DCC: variants seen among roughly 807,000 people sequenced by gnomAD.
The protein encoded by DCC is netrin receptor DCC.
In DCC, 58 loss-of-function variants were observed where a neutral mutation model predicts 172.5. The ratio of observed to expected loss-of-function variants is 0.34; its 90% CI spans 0.27 to 0.42. The LOEUF is 0.42. Ranked by LOEUF, DCC falls within the 10% of genes least tolerant of loss-of-function variation. The pLI, the probability that DCC is intolerant of heterozygous loss-of-function variation, is 1.00. For missense variants in DCC, 1,740 were observed against 1,791.0 expected, an observed-to-expected ratio of 0.97 and a Z score of 0.51; for synonymous variants, 709 against 644.5, an observed-to-expected ratio of 1.10 and a Z score of -1.52.
chr18:52,922,182 A>G (rs922371875), intron 3 of DCC, among the ~76,000 whole-genome samples: 1 of 152,156 alleles, frequency 6.6e-6, no homozygotes. Flanking sequence ...TTCATTGTGA[A>G]GAGTATTTAT....
rs148720210 is a variant in DCC at position 53,124,555 on chromosome 18, T to C, written c.1262-32801T>C. Reference sequence around the variant, plus strand: ...CCACTTGACATTACTTAGTTGTGGGTTATTTAAGATAATCAGTTATTTGTT... The same window carrying C: ...CCACTTGACATTACTTAGTTGTGGGCTATTTAAGATAATCAGTTATTTGTT... On this transcript the variant is annotated intron_variant, in intron 7 of 28. Coordinates refer to ENST00000442544, the MANE Select transcript of DCC (RefSeq NM_005215.4). 2.1e-4 allele frequency among the ~76,000 whole-genome samples: 32 copies of C among 152,190 alleles called. No homozygotes were observed. The East Asian group carries it at 6.2e-3, about 30-fold the overall frequency.
At chr18:52,448,037 C>A (rs1183728608) in intron 1 of DCC, among the ~76,000 whole-genome samples, 2 of 152,096 alleles carry the variant, frequency 1.3e-5, no homozygotes, top group African/African-American at 4.8e-5. Context: ...GGTCCACAAC[C>A]CCAGGGCCAC....
At chr18:52,477,268 G>A (rs1431684294) in intron 1 of DCC, among the ~76,000 whole-genome samples, 1 of 152,164 alleles carries the variant, frequency 6.6e-6, no homozygotes, top group African/African-American at 2.4e-5. Flanking sequence ...ATTCTGATAT[G>A]GTTGAGTGTG....
intron 5 of DCC, among the ~76,000 whole-genome samples, chr18:52,999,500 A>C (rs1277945951): frequency 3.3e-5 from 5 of 152,090 alleles, no homozygotes; most frequent in Non-Finnish European, 7.4e-5. Flanking sequence ...AAGCCTGAGA[A>C]AGGGCTTCAG....
chr18:53,211,456 G>C (rs1296597562), intron 11 of DCC, among the ~76,000 whole-genome samples: 1 of 152,200 alleles, frequency 6.6e-6, no homozygotes, highest in Non-Finnish European at 1.5e-5. Flanking sequence ...AGGCATGGTG[G>C]CTCACTCTTG....
At chr18:53,373,305 T>G (rs1247052697) in intron 15 of DCC, among the ~76,000 whole-genome samples, 1 of 152,090 alleles carries the variant, frequency 6.6e-6, no homozygotes, top group Non-Finnish European at 1.5e-5. Flanking sequence ...TGAATATTCC[T>G]GCGGATGCTG....
intron 2 of DCC, among the ~76,000 whole-genome samples, chr18:52,778,836 G>C (rs184275789): frequency 1.3e-5 from 2 of 152,032 alleles, no homozygotes; most frequent in African/African-American, 4.8e-5. Context: ...AATACACATG[G>C]GCATTGTATA....
chr18:53,251,151 G>T (rs1023948691), intron 12 of DCC, among the ~76,000 whole-genome samples: 2 of 151,592 alleles, frequency 1.3e-5, no homozygotes, highest in African/African-American at 4.8e-5. Context: ...ATCTATCATC[G>T]GCTCCCCCCA....
chr18:53,533,149 C>A lies in DCC; in HGVS notation c.*2496C>A, dbSNP rs917370063. On this transcript the variant is annotated 3_prime_UTR_variant, in exon 29 of 29. Transcript: ENST00000442544. Reference sequence around the variant, plus strand: ...CTTTTGTATAACTCTGTTCCCTTTACCCTCAAATGATTCATATATGTATAT... The same window carrying A: ...CTTTTGTATAACTCTGTTCCCTTTAACCTCAAATGATTCATATATGTATAT... 6.6e-6 allele frequency: 1 copy of A among 152,080 alleles called. No individual in the cohort carries two copies. Among genetic ancestry groups the A allele is most frequent in the Admixed American group, 6.5e-5 (1 of 15,276 alleles). 9.4% of individuals were successfully genotyped at this position (152,080 alleles called of 1,614,324 possible).
At chr18:53,201,409 A>G (rs2055535167) in intron 9 of DCC, among the ~76,000 whole-genome samples, 1 of 152,118 alleles carries the variant, frequency 6.6e-6, no homozygotes, top group South Asian at 2.1e-4. Context: ...CCATATCACA[A>G]TTCTGGATCC....
At chr18:52,577,950 C>T (rs567045628) in intron 1 of DCC, among the ~76,000 whole-genome samples, 2 of 152,268 alleles carry the variant, frequency 1.3e-5, no homozygotes, top group Admixed American at 6.5e-5. Flanking sequence ...TTCACCTACC[C>T]GTGCTAAAAA....
At chr18:52,818,666 T>TTA (rs1261490626) in intron 2 of DCC, among the ~76,000 whole-genome samples, 2 of 152,148 alleles carry the variant, frequency 1.3e-5, no homozygotes, top group Non-Finnish European at 2.9e-5. Context: ...ACCAAACGTT[T>TTA]TATTTAGGTA....
intron 2 of DCC, among the ~76,000 whole-genome samples, chr18:52,897,770 T>C (rs1481853293): frequency 6.6e-6 from 1 of 152,140 alleles, no homozygotes; most frequent in Non-Finnish European, 1.5e-5. Flanking sequence ...TCCTTTGCAA[T>C]GTCCACCATA....
At chr18:53,139,358 G>T (rs2043796184) in intron 7 of DCC, among the ~76,000 whole-genome samples, 1 of 152,134 alleles carries the variant, frequency 6.6e-6, no homozygotes, top group African/African-American at 2.4e-5. Flanking sequence ...AGAGGAAATG[G>T]TAATTTATGT....
Position 53,322,040 on chromosome 18 carries a change from T to C in DCC, c.2054-7T>C, listed in dbSNP as rs1424634813. On this transcript the variant is annotated splice_region_variant and splice_polypyrimidine_tract_variant and intron_variant, in intron 13 of 28. Coordinates refer to ENST00000442544, the MANE Select transcript of DCC (RefSeq NM_005215.4). ...TTTCTTCCCCCCTGTGGAAAATTCT[T>C]TCATAGGACTGGAGAAAGGAAGTCA... 6.4e-7 allele frequency: 1 copy of C among 1,550,452 alleles called. No homozygotes were observed. Among genetic ancestry groups the C allele is most frequent in the South Asian group, 1.1e-5 (1 of 89,812 alleles).
chr18:53,075,184 G>T (rs955120281), intron 7 of DCC, among the ~76,000 whole-genome samples: 1 of 152,170 alleles, frequency 6.6e-6, no homozygotes, highest in Non-Finnish European at 1.5e-5. Flanking sequence ...ACAAGGTTAA[G>T]GGAAAAGTCC....
intron 1 of DCC, among the ~76,000 whole-genome samples, chr18:52,673,859 G>A (rs144316320): frequency 1.1e-3 from 163 of 152,322 alleles, no homozygotes; most frequent in Middle Eastern, 3.4e-3. Flanking sequence ...AATATTCATA[G>A]TTGGTAGTGC....
chr18:52,739,632 A>G (rs2036785669), intron 1 of DCC, among the ~76,000 whole-genome samples: 1 of 152,148 alleles, frequency 6.6e-6, no homozygotes, highest in Admixed American at 6.5e-5. Context: ...CATTTTGTAA[A>G]AGAGGAACCT....
At chr18:53,129,121 A>T (rs919455261) in intron 7 of DCC, among the ~76,000 whole-genome samples, 21 of 151,778 alleles carry the variant, frequency 1.4e-4, no homozygotes, top group Non-Finnish European at 2.6e-4. Context: ...TCCTGACCTC[A>T]AGTGATCTTC....
Sources: gnomAD v4.1 joint callset for allele counts (sites outside exome capture counted in the v4.1 genomes callset) on GRCh38, gnomAD v4.1.1 for gene constraint, MANE v1.5 for transcripts, NCBI Gene and HGNC (gene_info 2026-07-23, HGNC 2026-07-21) for gene names.